The following ZBP1 variants were observed in gnomAD, a reference collection of about 807,000 sequenced individuals.
ZBP1 encodes the protein Z-DNA-binding protein 1.
ZBP1 carries 42 observed loss-of-function variants against 41.1 expected under a neutral mutation model. The observed-to-expected ratio is 1.02, with a 90% CI of 0.80 to 1.32. The LOEUF (loss-of-function observed/expected upper bound fraction) is 1.32. Among genes scored for constraint, ZBP1 ranks in the 40% most tolerant of loss-of-function variants. The pLI is 0.00. For synonymous variants in ZBP1, 214 were observed against 205.2 expected, an observed-to-expected ratio of 1.04 and a Z score of -0.37; for missense variants, 562 against 549.7, an observed-to-expected ratio of 1.02 and a Z score of -0.22.
At chr20:57,618,180 G>C (rs1275052581) in intron 1 of ZBP1, 1 of 152,526 alleles carries the variant, frequency 6.6e-6, no homozygotes. Context: ...GCAGCCAGCA[G>C]CCTGGGAGAG....
Position 57,615,591 on chromosome 20 carries a change from A to G in ZBP1, c.260-11T>C. On this transcript the variant is annotated splice_polypyrimidine_tract_variant and intron_variant, in intron 2 of 7. Coordinates refer to ENST00000371173, the MANE Select transcript of ZBP1 (RefSeq NM_030776.3). ...GCTGGGGCCTCTCGGCTGCAGAAAGAAAGATGGGTCAGAGGGGTGGGGGAC... is the reference window on the plus strand; with the variant it reads ...GCTGGGGCCTCTCGGCTGCAGAAAGGAAGATGGGTCAGAGGGGTGGGGGAC... The G allele has an allele frequency of 1.2e-6, 2 of 1,611,820 alleles. No homozygotes were observed. The highest frequency in any genetic ancestry group is 3.4e-5 in the Admixed American group (2 of 59,510).
chr20:57,604,163 GCA>G lies in ZBP1; in HGVS notation c.*408_*409del. The G allele has an allele frequency of 2.9e-6, 1 of 339,840 alleles. No individual in the cohort carries two copies. The highest frequency in any genetic ancestry group is 5.8e-6 in the Non-Finnish European group (1 of 172,892). 21.1% of individuals were successfully genotyped at this position (339,840 alleles called of 1,614,324 possible). A position where few individuals can be genotyped will look rare whatever the true frequency, so the allele number is the denominator to read the frequency against. ...GCTGGGATTACAGGCGTGAGCCACT[GCA>G]CCCAGTTGGGATTATGTTTTGATAT... On this transcript the variant is annotated 3_prime_UTR_variant, in exon 8 of 8. Transcript: ENST00000371173.
In ZBP1 at chr20:57,610,206, C is replaced by A; in HGVS notation, c.1036G>T (p.Val346Leu). ...CCTGCGACTCCTCCTGGGCCAGCCA[C>A]CCCTGGGCTGATAGACATTTTGTTG... ...NSNKMSISPG[V>L]AGPGGVAGSG... Residue 346 changes from valine to leucine, a missense_variant, in exon 7 of 8, where the codon GTG (valine) becomes TTG (leucine). Val to Leu is a conservative substitution (Grantham distance 32). Transcript: ENST00000371173. The surrounding 1 kb of genome is among the most constrained non-coding windows in gnomAD (Gnocchi z 5.5). 1.2e-6 allele frequency: 2 copies of A among 1,614,220 alleles called. No homozygotes were observed. The highest frequency in any genetic ancestry group is 1.7e-6 in the Non-Finnish European group (2 of 1,180,036).
intron 7 of ZBP1, among the ~76,000 whole-genome samples, chr20:57,607,469 C>T (rs186861463): frequency 2.9e-4 from 44 of 152,298 alleles, no homozygotes; most frequent in African/African-American, 5.8e-4. Context: ...GAAGATACTG[C>T]GAACATTCTT....
chr20:57,618,880 C>T (rs755617808), intron 1 of ZBP1, among the ~76,000 whole-genome samples: 7 of 152,162 alleles, frequency 4.6e-5, no homozygotes, highest in Non-Finnish European at 1.0e-4. Flanking sequence ...TGCGCCTGGC[C>T]GCAGTTTTGA....
chr20:57,616,055 A>G, intron 2 of ZBP1, 189 bp downstream of exon 2: 1 of 632,044 alleles, frequency 1.6e-6, no homozygotes, highest in South Asian at 2.0e-5. Flanking sequence ...GCCTCCTCTC[A>G]GCAACCCCTA....
At chr20:57,620,110 A>T in intron 1 of ZBP1, 152 bp downstream of exon 1, 1 of 892,876 alleles carries the variant, frequency 1.1e-6, no homozygotes. Flanking sequence ...TGCTGGGATT[A>T]CAGGCGTGAG....
Position 57,610,811 on chromosome 20 carries a change from C to T in ZBP1, c.875-444G>A, listed in dbSNP as rs1446699059. 7 of 234,846 alleles carry T rather than the reference C, an allele frequency of 3.0e-5. No homozygotes were observed. Among genetic ancestry groups the T allele is most frequent in the Admixed American group, 2.1e-4 (4 of 19,168 alleles). The allele number at this position is 234,846 out of a possible 1,614,324, so 14.5% of individuals were successfully genotyped here. Reference sequence around the variant, plus strand: ...CTGAAGAATCATCCACACTGAGTCCCGCCCCCTCCACCCCCGAGACCTCTT... The same window carrying T: ...CTGAAGAATCATCCACACTGAGTCCTGCCCCCTCCACCCCCGAGACCTCTT... On this transcript the variant is annotated intron_variant, in intron 6 of 7. Transcript: ENST00000371173. The surrounding 1 kb of genome is among the most constrained non-coding windows in gnomAD (Gnocchi z 5.5).
chr20:57,604,908 A>G, intron 7 of ZBP1, 139 bp from the exon 8 acceptor site: 1 of 818,410 alleles, frequency 1.2e-6, no homozygotes, highest in South Asian at 1.9e-5. Context: ...AGTCTTGAAC[A>G]GGGAGCCCCA....
Position 57,615,525 on chromosome 20 carries a change from G to A in ZBP1, c.315C>T (p.Phe105=), listed in dbSNP as rs2070798033. 1 of 1,613,264 alleles carries A rather than the reference G, an allele frequency of 6.2e-7. No homozygotes were observed. The highest frequency in any genetic ancestry group is 8.5e-7 in the Non-Finnish European group (1 of 1,179,734). Residue 105 remains phenylalanine, a synonymous_variant, in exon 3 of 8, where the codon TTC becomes TTT. Coordinates refer to ENST00000371173, the MANE Select transcript of ZBP1 (RefSeq NM_030776.3). ...GCAAAAACTTACCCCGTTGTTGGCT[G>A]AACTGAGGGCCAGGGGTCTCTGGAA... ...ATIPETPGPQ[F]SQQREEDIYR...
chr20:57,604,529 C>T lies in ZBP1; in HGVS notation c.*44G>A, dbSNP rs1016967901. 8 of 1,602,214 alleles carry T rather than the reference C, an allele frequency of 5.0e-6. No homozygotes were observed. The highest frequency in any genetic ancestry group is 3.3e-5 in the South Asian group (3 of 89,848). ...GCAGCAGGCTAGTCTCCCTAGCATG[C>T]GCCCACCCCCAGCCTGTGTCCAAGC... is the stretch of plus-strand genomic sequence containing the variant. On this transcript the variant is annotated 3_prime_UTR_variant, in exon 8 of 8. Coordinates refer to ENST00000371173, the MANE Select transcript of ZBP1 (RefSeq NM_030776.3).
intron 7 of ZBP1, among the ~76,000 whole-genome samples, chr20:57,606,807 A>G (rs530119225): frequency 6.6e-6 from 1 of 152,330 alleles, no homozygotes; most frequent in Admixed American, 6.5e-5. Flanking sequence ...TAGCATTGAG[A>G]CTTACTGCTT....
chr20:57,615,641 C>T, intron 2 of ZBP1, 61 bp from the exon 3 acceptor site: 8 of 1,492,462 alleles, frequency 5.4e-6, no homozygotes, highest in Non-Finnish European at 7.3e-6. Context: ...GGCCTCCACC[C>T]CACAAAGGTG....
chr20:57,607,298 C>G (rs1321403315), intron 7 of ZBP1: 3 of 1,296,114 alleles, frequency 2.3e-6, no homozygotes, highest in African/African-American at 1.5e-5. Context: ...GTGAAGGCAG[C>G]AACTGCAAAT....
rs757331547 is a variant in ZBP1, at chr20:57,610,271, A to T, written c.971T>A (p.Met324Lys). The part of the protein sequence containing the change: ...PEGEAAQRIH[M>K]KSCFLEDATI... ...GGCGTCCTCGAGAAAGCACGATTTC[A>T]TGTGGATTCTCTGGGCGGCTTCCCC... The change falls in exon 7 of 8, where the codon ATG becomes AAG. Residue 324 changes from methionine to lysine, a missense_variant. Coordinates refer to ENST00000371173, the MANE Select transcript of ZBP1 (RefSeq NM_030776.3). This position sits in a 1 kb window ranked among gnomAD's most constrained non-coding sequence, Gnocchi z 5.5. The T allele has an allele frequency of 6.2e-7, 1 of 1,614,136 alleles. No individual in the cohort carries two copies. The highest frequency in any genetic ancestry group is 8.5e-7 in the Non-Finnish European group (1 of 1,180,008).
Position 57,616,434 on chromosome 20 carries a change from T to C in ZBP1, c.69A>G (p.Thr23=). ...HLEQRILQVL[T]EAGSPVKLAQ... ...CAAGTTTCACCGGGGAGCCAGCCTC[T>C]GTCAGCACCTGCAGGATTCTTTGTT... Residue 23 remains threonine (T), a synonymous_variant, in exon 2 of 8, where the codon ACA becomes ACG. Transcript: ENST00000371173. 6.2e-7 allele frequency: 1 copy of C among 1,613,934 alleles called. No homozygotes were observed. The highest frequency in any genetic ancestry group is 1.7e-4 in the Middle Eastern group (1 of 5,882).
At chr20:57,618,741 C>T (rs974500781) in intron 1 of ZBP1, among the ~76,000 whole-genome samples, 14 of 152,318 alleles carry the variant, frequency 9.2e-5, no homozygotes, top group African/African-American at 3.4e-4. Flanking sequence ...ACCACTACAC[C>T]CGGCTGATTT....
Position 57,613,699 on chromosome 20 carries a change from G to A in ZBP1, c.503-369C>T, listed in dbSNP as rs1030464072. ...TGCCCTTTTCCCTTGAGTAATGGCCGAGAAACAGCAGCCCATTGGGCCAGA... is the reference window on the plus strand; with the variant it reads ...TGCCCTTTTCCCTTGAGTAATGGCCAAGAAACAGCAGCCCATTGGGCCAGA... On this transcript the variant is annotated intron_variant, in intron 4 of 7. Coordinates refer to ENST00000371173, the MANE Select transcript of ZBP1 (RefSeq NM_030776.3). This position sits in a 1 kb window ranked among gnomAD's most constrained non-coding sequence, Gnocchi z 4.5. 6.6e-5 allele frequency among the ~76,000 whole-genome samples: 10 copies of A among 152,334 alleles called. No individual in the cohort carries two copies. Among genetic ancestry groups the A allele is most frequent in the African/African-American group, 1.7e-4 (7 of 41,576 alleles).
At chr20:57,619,490 T>C (rs891151023) in intron 1 of ZBP1, among the ~76,000 whole-genome samples, 1 of 152,242 alleles carries the variant, frequency 6.6e-6, no homozygotes, top group Non-Finnish European at 1.5e-5. Flanking sequence ...AATTACTCGA[T>C]ACACTATTGG....
Sources: gnomAD v4.1 joint callset for allele counts (sites outside exome capture counted in the v4.1 genomes callset) on GRCh38, gnomAD v4.1.1 for gene constraint, Gnocchi (gnomAD v3.1) non-coding constraint, MANE v1.5 for transcripts, NCBI Gene and HGNC (gene_info 2026-07-23, HGNC 2026-07-21) for gene names.